UTRN: variants seen among roughly 807,000 people sequenced by gnomAD.
UTRN encodes utrophin.
A neutral mutation model predicts 463.9 loss-of-function variants in UTRN; 283 were observed. The ratio of observed to expected loss-of-function variants is 0.61; its 90% CI spans 0.55 to 0.67. The LOEUF is 0.67. Among genes scored for constraint, UTRN ranks in the 30% least tolerant of loss-of-function variants. The probability of loss-of-function intolerance (pLI) is 0.00; values close to 1 mark genes in which losing one functional copy is unlikely to be tolerated. For missense variants in UTRN, 3,922 were observed against 4,084.3 expected, an observed-to-expected ratio of 0.96 and a Z score of 1.08; for synonymous variants, 1,442 against 1,431.5, an observed-to-expected ratio of 1.01 and a Z score of -0.17.
At chr6:144,687,008 T>C (rs545362971) in intron 52 of UTRN, among the ~76,000 whole-genome samples, 5 of 152,268 alleles carry the variant, frequency 3.3e-5, no homozygotes, top group Middle Eastern at 3.4e-3. Context: ...AAGGTTCTGT[T>C]CTGGGGCATA....
intron 26 of UTRN, among the ~76,000 whole-genome samples, chr6:144,481,728 T>C (rs1001368237): frequency 3.4e-4 from 52 of 152,210 alleles, no homozygotes; most frequent in Middle Eastern, 3.2e-3. Flanking sequence ...ATTGGATGCA[T>C]GAGTGAAATT....
At chr6:144,751,719 G>T in intron 55 of UTRN, 87 bp from the exon 56 acceptor site, 3 of 1,345,736 alleles carry the variant, frequency 2.2e-6, no homozygotes, top group Non-Finnish European at 3.0e-6. Context: ...AACCCATGCA[G>T]TTCAGACCTA....
chr6:144,657,383 T>C (rs1779430508), intron 51 of UTRN, among the ~76,000 whole-genome samples: 1 of 152,054 alleles, frequency 6.6e-6, no homozygotes, highest in Non-Finnish European at 1.5e-5. Context: ...GCAGAGGATG[T>C]CAGTTCTGAG....
intron 2 of UTRN, among the ~76,000 whole-genome samples, chr6:144,297,739 C>T (rs1011340183): frequency 6.6e-6 from 1 of 152,158 alleles, no homozygotes; most frequent in Non-Finnish European, 1.5e-5. Context: ...TAAAGATATT[C>T]TCCATGTTGT....
At chr6:144,473,228 A>G (rs1790849219) in intron 23 of UTRN, among the ~76,000 whole-genome samples, 1 of 152,202 alleles carries the variant, frequency 6.6e-6, no homozygotes, top group Non-Finnish European at 1.5e-5. Context: ...GTTGGATGAA[A>G]TATTGGAGCT....
chr6:144,828,991 C>T (rs1053266112), intron 69 of UTRN, 136 bp downstream of exon 69: 55 of 930,220 alleles, frequency 5.9e-5, no homozygotes, highest in Middle Eastern at 4.7e-4. Context: ...AAAATTTCTA[C>T]GTAGATTTTA....
Position 144,499,263 on chromosome 6 carries a change from G to C in UTRN, c.4600G>C (p.Glu1534Gln), listed in dbSNP as rs1165262160. 6.2e-7 allele frequency: 1 copy of C among 1,611,518 alleles called. No homozygotes were observed. Among genetic ancestry groups the C allele is most frequent in the Admixed American group, 1.7e-5 (1 of 59,950 alleles). ...CTGCCTCTCTCCGTCTCAGGTGACA[G>C]AAGGAAAACAGGATCTGGAAAGAGC... Reference protein sequence around the residue: ...LYNDLGAQVTEGKQDLERASQ... With the variant: ...LYNDLGAQVTQGKQDLERASQ... Residue 1534 changes from glutamate (E) to glutamine (Q), a missense_variant, in exon 34 of 75, where the codon GAA (glutamate) becomes CAA (glutamine). Transcript: ENST00000367545.
intron 34 of UTRN, among the ~76,000 whole-genome samples, chr6:144,502,329 A>G (rs1273496579): frequency 6.6e-6 from 1 of 151,694 alleles, no homozygotes; most frequent in African/African-American, 2.4e-5. Flanking sequence ...TTACATAGGT[A>G]TACACGTGCC....
chr6:144,852,803 T>A lies in UTRN; in HGVS notation c.*1806T>A, dbSNP rs1782556978. 1 of 152,656 alleles carries A rather than the reference T, an allele frequency of 6.6e-6. No homozygotes were observed. The highest frequency in any genetic ancestry group is 1.5e-5 in the Non-Finnish European group (1 of 68,030). 9.5% of individuals were successfully genotyped at this position (152,656 alleles called of 1,614,324 possible). The stretch of plus-strand genomic sequence containing the variant: ...AAAAGTCATGTGTTAATTTTTTTTC[T>A]GCCTGTATTTGTATGCAAAATGTCC... On this transcript the variant is annotated 3_prime_UTR_variant, in exon 75 of 75. Transcript: ENST00000367545.
At chr6:144,696,937 A>G (rs1784068327) in intron 52 of UTRN, among the ~76,000 whole-genome samples, 1 of 152,186 alleles carries the variant, frequency 6.6e-6, no homozygotes, top group Non-Finnish European at 1.5e-5. Flanking sequence ...TTGCTGATTT[A>G]AAACAGATAC....
chr6:144,744,824 C>T (rs890743897), intron 54 of UTRN, among the ~76,000 whole-genome samples: 3 of 152,190 alleles, frequency 2.0e-5, no homozygotes, highest in Non-Finnish European at 4.4e-5. Flanking sequence ...CATTTGCTCT[C>T]TGGCCTCCAG....
intron 65 of UTRN, among the ~76,000 whole-genome samples, chr6:144,807,514 C>G (rs1586655093): frequency 3.3e-5 from 5 of 152,124 alleles, no homozygotes; most frequent in Admixed American, 3.3e-4. Flanking sequence ...TTTAAGAATT[C>G]TTTCATTAGG....
rs1038741258 is a variant in UTRN, at chr6:144,845,749, T to G, written c.10271-1056T>G. Among the ~76,000 whole-genome samples, 8 of 152,306 alleles carry G rather than the reference T, an allele frequency of 5.3e-5. No homozygotes were observed. In the East Asian group the frequency reaches 1.5e-3, roughly 29 times the overall value. On this transcript the variant is annotated intron_variant, in intron 73 of 74. Transcript: ENST00000367545. ...CCTTGGACACTGTGGAGGTCCACTCTTTTCTCCTGGATGTAACTTACAGAT... is the reference window on the plus strand; with the variant it reads ...CCTTGGACACTGTGGAGGTCCACTCGTTTCTCCTGGATGTAACTTACAGAT...
chr6:144,314,925 T>G (rs530993139), intron 2 of UTRN, among the ~76,000 whole-genome samples: 1 of 151,348 alleles, frequency 6.6e-6, no homozygotes, highest in East Asian at 1.9e-4. Context: ...AAAATACCTA[T>G]GTATATATAT....
intron 74 of UTRN, among the ~76,000 whole-genome samples, chr6:144,847,513 G>T (rs1782125381): frequency 6.6e-6 from 1 of 152,108 alleles, no homozygotes; most frequent in African/African-American, 2.4e-5. Context: ...TTATGCATTT[G>T]TCTTATGCTC....
intron 63 of UTRN, among the ~76,000 whole-genome samples, chr6:144,797,362 G>A (rs982304726): frequency 3.3e-5 from 5 of 151,950 alleles, no homozygotes; most frequent in Non-Finnish European, 7.4e-5. Context: ...CTAATTTTGT[G>A]TGTGTGTGTT....
intron 74 of UTRN, among the ~76,000 whole-genome samples, chr6:144,849,882 C>T (rs940611313): frequency 6.6e-6 from 1 of 152,142 alleles, no homozygotes; most frequent in African/African-American, 2.4e-5. Context: ...TAATATGTAA[C>T]AAAATGTTCC....
intron 62 of UTRN, among the ~76,000 whole-genome samples, chr6:144,791,876 G>A (rs147333746): frequency 1.3e-5 from 2 of 152,112 alleles, no homozygotes; most frequent in African/African-American, 4.8e-5. Flanking sequence ...AGGAAAGTTG[G>A]GCATAGTTGA....
chr6:144,288,756 CTTTTTTTTT>C (rs1197688763), intron 1 of UTRN, among the ~76,000 whole-genome samples: 1 of 132,248 alleles, frequency 7.6e-6, no homozygotes, highest in African/African-American at 2.9e-5. Flanking sequence ...CTCTCTCTCT[CTTTTTTTTT>C]TTTTTTTTTT....
Sources: allele counts gnomAD v4.1 joint callset (sites outside exome capture counted in the v4.1 genomes callset), GRCh38; gene constraint gnomAD v4.1.1; transcripts MANE v1.5; gene names NCBI Gene and HGNC (gene_info 2026-07-23, HGNC 2026-07-21).